Variants in ANKRD31 observed in about 807,000 individuals in gnomAD.
ANKRD31 encodes the protein ankyrin repeat domain 31, also known as ankyrin repeat domain-containing protein 31.
Under a neutral mutation model 186.0 loss-of-function variants are expected in ANKRD31, and 147 were observed. The observed-to-expected ratio is 0.79, with a 90% CI of 0.69 to 0.91. The LOEUF is 0.91. Ranked by LOEUF, ANKRD31 falls within the 40% of genes least tolerant of loss-of-function variation. The pLI is 0.00. For synonymous variants in ANKRD31, 673 were observed against 736.4 expected (o/e 0.91, Z 1.39); for missense variants, 1,986 against 2,148.8 (o/e 0.92, Z 1.50).
chr5:75,232,927 ACAG>A (rs1462292285), intron 1 of ANKRD31, among the ~76,000 whole-genome samples: 1 of 152,196 alleles, frequency 6.6e-6, no homozygotes, highest in Non-Finnish European at 1.5e-5. Flanking sequence ...TTCTGTACAA[ACAG>A]ATCTTGTTAA....
chr5:75,138,875 C>G lies in ANKRD31; in HGVS notation c.3704G>C (p.Gly1235Ala), dbSNP rs1336006453. Residue 1235 changes from glycine to alanine, a missense_variant, in exon 16 of 26, where the codon GGA (glycine) becomes GCA (alanine). Transcript: ENST00000506364. ...ATTATCATTTAGATTCACATCTGCT[C>G]CAGATTCTATCAGGGCTTTCACTAG... ...LPLVKALIES[G>A]ADVNLNDNAG... The G allele has an allele frequency of 2.6e-6, 4 of 1,536,512 alleles. No homozygotes were observed. Among genetic ancestry groups the G allele is most frequent in the Non-Finnish European group, 3.5e-6 (4 of 1,146,546 alleles).
intron 10 of ANKRD31, among the ~76,000 whole-genome samples, chr5:75,169,499 A>T (rs1240499941): frequency 6.6e-6 from 1 of 152,190 alleles, no homozygotes; most frequent in African/African-American, 2.4e-5. Flanking sequence ...AGGTACTTCC[A>T]TTAAAGTATC....
intron 17 of ANKRD31, among the ~76,000 whole-genome samples, chr5:75,119,913 A>T (rs908140372): frequency 2.6e-5 from 4 of 152,194 alleles, no homozygotes; most frequent in Non-Finnish European, 4.4e-5. Flanking sequence ...TTCACAGAAT[A>T]TTAAAGATAG....
chr5:75,100,673 C>T (rs6860699), intron 22 of ANKRD31, among the ~76,000 whole-genome samples: 145,256 of 151,976 alleles, frequency 0.96, 69,460 homozygotes, highest in East Asian at 1. Context: ...TTTACCATTA[C>T]GTAATGGCCT....
At chr5:75,171,823 C>T (rs995754692) in intron 10 of ANKRD31, among the ~76,000 whole-genome samples, 1 of 151,220 alleles carries the variant, frequency 6.6e-6, no homozygotes, top group South Asian at 2.1e-4. Context: ...GATGGTTTCA[C>T]TCCTAATTCT....
rs903068942 is a variant in ANKRD31, at chr5:75,104,683, T to C, written c.4876A>G (p.Thr1626Ala). 30 of 1,536,294 alleles carry C rather than the reference T, an allele frequency of 2.0e-5. No homozygotes were observed. The African/African-American group carries it at 3.7e-4, about 19-fold the overall frequency. The change falls in exon 22 of 26, where the codon ACA becomes GCA. Residue 1626 changes from threonine to alanine, a missense_variant. By Grantham distance (58) the Thr-to-Ala change is moderately conservative. Transcript: ENST00000506364. ...ACATAGAATTCATGGTCTTTGTCTGTAGCTTCTGTAAGATCATTCTCTTTC... is the reference window on the plus strand; with the variant it reads ...ACATAGAATTCATGGTCTTTGTCTGCAGCTTCTGTAAGATCATTCTCTTTC... ...SQKENDLTEA[T>A]DKDHEFYVSS...
chr5:75,188,776 G>T, intron 9 of ANKRD31, 128 bp from the exon 10 acceptor site: 1 of 722,656 alleles, frequency 1.4e-6, no homozygotes. Context: ...TCAGTCAATA[G>T]TGTAGAAGTG....
intron 23 of ANKRD31, among the ~76,000 whole-genome samples, chr5:75,090,649 C>T (rs1580303339): frequency 6.6e-6 from 1 of 152,292 alleles, no homozygotes; most frequent in East Asian, 1.9e-4. Context: ...TGGATGAACA[C>T]TAGACCTCAA....
chr5:75,148,956 T>C (rs1312674015), intron 12 of ANKRD31, among the ~76,000 whole-genome samples: 1 of 151,896 alleles, frequency 6.6e-6, no homozygotes, highest in African/African-American at 2.4e-5. Flanking sequence ...ATTATGTAAC[T>C]GTGTGCAAGC....
At chr5:75,126,468 A>G (rs551855538) in intron 17 of ANKRD31, among the ~76,000 whole-genome samples, 1 of 152,274 alleles carries the variant, frequency 6.6e-6, no homozygotes, top group South Asian at 2.1e-4. Flanking sequence ...CCTTTTAACA[A>G]CTTATTCATT....
intron 22 of ANKRD31, among the ~76,000 whole-genome samples, chr5:75,098,094 G>A (rs147102019): frequency 0.015 from 2,231 of 151,744 alleles, 67 homozygotes; most frequent in African/African-American, 0.051. Flanking sequence ...GCGCAATCTC[G>A]GCTCACTGCA....
At position 75,193,314 on chromosome 5, in the gene ANKRD31, A is replaced by G. The variant is rs1050495850; in HGVS notation, c.1295T>C (p.Phe432Ser). Residue 432 changes from phenylalanine (F) to serine (S), a missense_variant, in exon 8 of 26, where the codon TTC (phenylalanine) becomes TCC (serine). Physicochemically the swap from Phe to Ser is radical, Grantham distance 155. Coordinates refer to ENST00000506364, the MANE Select transcript of ANKRD31 (RefSeq NM_001372053.1). Reference sequence around the variant, plus strand: ...AAGACATAATTTCATTGCATACCTGAAATTCTGAGCTGAAGAGTTATTATT... The same window carrying G: ...AAGACATAATTTCATTGCATACCTGGAATTCTGAGCTGAAGAGTTATTATT... ...LTNNNSSAQNFRMQDPALMID... is the reference protein window; with the variant it reads ...LTNNNSSAQNSRMQDPALMID... 2.1e-5 allele frequency: 32 copies of G among 1,535,326 alleles called. No individual in the cohort carries two copies. The Middle Eastern group carries it at 5.3e-4, about 26-fold the overall frequency.
In ANKRD31 at chr5:75,100,124, C is replaced by G. The variant is rs151248809; in HGVS notation, c.5331+4104G>C. Among the ~76,000 whole-genome samples the G allele has an allele frequency of 2.4e-3, 367 of 152,290 alleles. 8 individuals carry two copies. The East Asian group carries it at 0.061, about 25-fold the overall frequency. ...TCCCAGAGTTTCTGGTATGTAGTGT[C>G]TCTGTTCTCATTGGTTTCCAAGAAC... On this transcript the variant is annotated intron_variant, in intron 22 of 25. Transcript: ENST00000506364.
chr5:75,236,662 C>T lies in ANKRD31; in HGVS notation c.25G>A (p.Asp9Asn), dbSNP rs1272309794. The change falls in exon 1 of 26, where the codon GAC becomes AAC. Residue 9 changes from aspartate (D) to asparagine (N), a missense_variant. Coordinates refer to ENST00000506364, the MANE Select transcript of ANKRD31 (RefSeq NM_001372053.1). ...ATCACAGTTTCATCACTGTCCCAGT[C>T]TGGGGCCTGGACGCCTTCCTCCATC... MEEGVQAP[D>N]WDSDETVIEG... 2 of 1,536,592 alleles carry T rather than the reference C, an allele frequency of 1.3e-6. No individual in the cohort carries two copies. The highest frequency in any genetic ancestry group is 2.7e-5 in the African/African-American group (2 of 72,940).
rs776217270 is a variant in ANKRD31 at position 75,147,337 on chromosome 5, C to G, written c.2074G>C (p.Gly692Arg). Reference sequence around the variant, plus strand: ...GTTGATTGTTTATGCTTGGATTTACCAAATTTTGTGTTTTTGGGATCTTTT... The same window carrying G: ...GTTGATTGTTTATGCTTGGATTTACGAAATTTTGTGTTTTTGGGATCTTTT... ...YQKDPKNTKF[G>R]KSKHKQSTLD... The change falls in exon 14 of 26, where the codon GGT (glycine) becomes CGT (arginine). Residue 692 changes from glycine (G) to arginine (R), a missense_variant. Transcript: ENST00000506364. The G allele has an allele frequency of 3.9e-6, 6 of 1,532,572 alleles. No homozygotes were observed. Among genetic ancestry groups the G allele is most frequent in the Middle Eastern group, 1.7e-4 (1 of 5,952 alleles). The allele number at this position is 1,532,572 out of a possible 1,614,324, so 94.9% of individuals were successfully genotyped here.
chr5:75,149,037 G>C (rs933803292), intron 12 of ANKRD31, among the ~76,000 whole-genome samples: 1 of 151,736 alleles, frequency 6.6e-6, no homozygotes, highest in African/African-American at 2.4e-5. Flanking sequence ...TGCTTAATAA[G>C]GTCCTAATTG....
intron 16 of ANKRD31, among the ~76,000 whole-genome samples, chr5:75,138,485 C>T (rs1000018853): frequency 6.6e-6 from 1 of 151,858 alleles, no homozygotes; most frequent in Admixed American, 6.6e-5. Context: ...GAAAAAGGAA[C>T]AGTATAAAAG....
chr5:75,228,945 G>C (rs1580601080), intron 2 of ANKRD31, among the ~76,000 whole-genome samples: 1 of 152,212 alleles, frequency 6.6e-6, no homozygotes, highest in Non-Finnish European at 1.5e-5. Flanking sequence ...TATCAGGTGA[G>C]ATGATGTACA....
At chr5:75,184,935 A>T (rs1170893578) in intron 10 of ANKRD31, among the ~76,000 whole-genome samples, 1 of 152,186 alleles carries the variant, frequency 6.6e-6, no homozygotes, top group Admixed American at 6.6e-5. Flanking sequence ...ACTATTCACA[A>T]TAGCCAAGAT....
Sources: allele counts gnomAD v4.1 joint callset (sites outside exome capture counted in the v4.1 genomes callset), GRCh38; gene constraint gnomAD v4.1.1; transcripts MANE v1.5; gene names NCBI Gene and HGNC (gene_info 2026-07-23, HGNC 2026-07-21).